Variants in SHROOM4 observed in about 807,000 individuals in gnomAD.
The protein encoded by SHROOM4 is protein Shroom4.
SHROOM4 carries 17 observed loss-of-function variants against 80.3 expected under a neutral mutation model. The ratio of observed to expected loss-of-function variants is 0.21; its 90% CI spans 0.14 to 0.32. The LOEUF is 0.32. Ranked by LOEUF, SHROOM4 falls within the 10% of genes least tolerant of loss-of-function variation. The pLI is 1.00. For missense variants in SHROOM4, 993 were observed against 1,140.3 expected, an observed-to-expected ratio of 0.87 and a Z score of 1.86; for synonymous variants, 400 against 437.5, an observed-to-expected ratio of 0.91 and a Z score of 1.07.
At position 50,590,522 on chromosome X, in the gene SHROOM4, T is replaced by G. The variant is rs1004874753; in HGVS notation, c.*6173A>C. On this transcript the variant is annotated 3_prime_UTR_variant, in exon 9 of 9. Transcript: ENST00000376020. ...GCCACGGCCTCCCAAAGTGCTGGGA[T>G]TACAGGCGTGAGCCACCGCGCCTGG... is the stretch of plus-strand genomic sequence containing the variant. Among the ~76,000 whole-genome samples the G allele has an allele frequency of 3.6e-5, 4 of 111,229 alleles. No individual in the cohort carries two copies. The highest frequency in any genetic ancestry group is 9.5e-5 in the Admixed American group (1 of 10,516).
At chrX:50,723,707 C>T (rs781963179) in intron 1 of SHROOM4, among the ~76,000 whole-genome samples, 6 of 110,405 alleles carry the variant, frequency 5.4e-5, no homozygotes, top group Non-Finnish European at 7.6e-5. Flanking sequence ...AGGGTAAGTC[C>T]GTCCCCTTCT....
chrX:50,615,252 A>G (rs782797469), intron 5 of SHROOM4, among the ~76,000 whole-genome samples: 2 of 111,133 alleles, frequency 1.8e-5, no homozygotes, highest in Non-Finnish European at 3.8e-5. Flanking sequence ...TAAAATACAG[A>G]CCCTTACTAG....
At position 50,633,743 on chromosome X, in the gene SHROOM4, A is replaced by G. The variant is rs1187589059; in HGVS notation, c.2330T>C (p.Phe777Ser). 2 of 1,210,642 alleles carry G rather than the reference A, an allele frequency of 1.7e-6. No homozygotes were observed. The highest frequency in any genetic ancestry group is 2.2e-6 in the Non-Finnish European group (2 of 895,395). Residue 777 changes from phenylalanine (F) to serine (S), a missense_variant, in exon 4 of 9, where the codon TTT becomes TCT. Transcript: ENST00000376020. The stretch of plus-strand genomic sequence containing the variant: ...AGATAAGGATTTGCTACTCTCTTCA[A>G]AGAACTTTCTTCTGTCTGCAAAAGG... ...LLPFADRRKF[F>S]EESSKSLSTS...
chrX:50,597,302 C>T (rs1301043645), intron 8 of SHROOM4, among the ~76,000 whole-genome samples: 1 of 112,188 alleles, frequency 8.9e-6, no homozygotes, highest in Non-Finnish European at 1.9e-5. Context: ...TGGTGAACAA[C>T]TGTCACTGTG....
At chrX:50,685,112 C>G (rs1933039288) in intron 2 of SHROOM4, among the ~76,000 whole-genome samples, 1 of 111,628 alleles carries the variant, frequency 9.0e-6, no homozygotes, top group Admixed American at 9.5e-5. Flanking sequence ...GGTTGGAGGG[C>G]ATCCAGACAA....
intron 5 of SHROOM4, among the ~76,000 whole-genome samples, chrX:50,624,282 T>C (rs1334967011): frequency 8.9e-6 from 1 of 111,841 alleles, no homozygotes; most frequent in Non-Finnish European, 1.9e-5. Flanking sequence ...TGAATTTGCT[T>C]TCTTGAAGGT....
chrX:50,716,089 A>G (rs1769042861), intron 1 of SHROOM4, among the ~76,000 whole-genome samples: 1 of 108,968 alleles, frequency 9.2e-6, no homozygotes, highest in Admixed American at 1.0e-4. Context: ...ACGTTAGGTG[A>G]AATAAGCCAG....
At chrX:50,765,742 A>G (rs997279695) in intron 1 of SHROOM4, among the ~76,000 whole-genome samples, 1 of 112,110 alleles carries the variant, frequency 8.9e-6, no homozygotes, top group Non-Finnish European at 1.9e-5. Context: ...CAGATAAACA[A>G]CAGCCTTCCA....
In SHROOM4 at chrX:50,596,012, C is replaced by T. The variant is rs782429484; in HGVS notation, c.*683G>A. ...AAACAAGAGGTGGTAGGACCAAAGT[C>T]TTAGGACAGGAAGAGGGTCACACTA... On this transcript the variant is annotated 3_prime_UTR_variant, in exon 9 of 9. Coordinates refer to ENST00000376020, the MANE Select transcript of SHROOM4 (RefSeq NM_020717.5). 7.1e-4 allele frequency: 232 copies of T among 327,762 alleles called. 1 individual carries two copies. The highest frequency in any genetic ancestry group is 1.3e-3 in the Non-Finnish European group (217 of 169,746). 27.0% of individuals were successfully genotyped at this position (327,762 alleles called of 1,213,427 possible).
intron 3 of SHROOM4, among the ~76,000 whole-genome samples, chrX:50,637,828 G>T (rs1387396309): frequency 1.8e-5 from 2 of 112,178 alleles, no homozygotes; most frequent in Non-Finnish European, 3.8e-5. Flanking sequence ...CCAGAACTGA[G>T]CCCTGGGGTC....
chrX:50,709,264 A>G (rs782265680), intron 1 of SHROOM4, among the ~76,000 whole-genome samples: 2 of 112,142 alleles, frequency 1.8e-5, no homozygotes, highest in Non-Finnish European at 3.8e-5. Flanking sequence ...CCTGGCCCCC[A>G]CAATCCCAAG....
At position 50,602,673 on chromosome X, in the gene SHROOM4, A is replaced by C. The variant is rs1225050646; in HGVS notation, c.3902T>G (p.Leu1301Arg). The change falls in exon 7 of 9, where the codon CTA becomes CGA. Residue 1301 changes from leucine to arginine, a missense_variant. Leu to Arg is a moderately radical substitution (Grantham distance 102). Transcript: ENST00000376020. ...TTCATGGTCAACTTCCTCCTCTCCT[A>C]GGCCAATCTCTGCCATCTCAGGTTG... is the stretch of plus-strand genomic sequence containing the variant. ...KDQPEMAEIG[L>R]GEEEVDHELA... The C allele has an allele frequency of 8.3e-7, 1 of 1,211,671 alleles. No individual in the cohort carries two copies. Among genetic ancestry groups the C allele is most frequent in the Non-Finnish European group, 1.1e-6 (1 of 895,550 alleles).
In SHROOM4 at chrX:50,711,671, A is replaced by G. The variant is rs782480895; in HGVS notation, c.118-15734T>C. ...ATTGATGAGTGAATAGAGAAAATCAATACATGAATAGATATGAAACAAGTA... is the reference window on the plus strand; with the variant it reads ...ATTGATGAGTGAATAGAGAAAATCAGTACATGAATAGATATGAAACAAGTA... On this transcript the variant is annotated intron_variant, in intron 1 of 8. Transcript: ENST00000376020. Among the ~76,000 whole-genome samples the G allele has an allele frequency of 1.1e-4, 12 of 112,425 alleles. No individual in the cohort carries two copies. In the East Asian group the frequency reaches 3.3e-3, roughly 31 times the overall value.
chrX:50,586,485 C>T (rs1928762117), downstream of SHROOM4, among the ~76,000 whole-genome samples: 1 of 100,067 alleles, frequency 1.0e-5, no homozygotes, highest in Admixed American at 1.1e-4. Flanking sequence ...TGGCAGTAAG[C>T]AACTCCAGAA....
intron 1 of SHROOM4, among the ~76,000 whole-genome samples, chrX:50,796,052 C>T (rs1237900515): frequency 9.0e-6 from 1 of 111,612 alleles, no homozygotes; most frequent in Admixed American, 9.6e-5. Flanking sequence ...GGGGTTTGAA[C>T]TTAAATCAAG....
rs1931272607 is a variant in SHROOM4, at chrX:50,634,970, C to T, written c.1103G>A (p.Gly368Glu). The change falls in exon 4 of 9, where the codon GGA (glycine) becomes GAA (glutamate). Residue 368 changes from glycine to glutamate, a missense_variant. By Grantham distance (98) the Gly-to-Glu change is moderately conservative. Transcript: ENST00000376020. ...LLMQASTKAV[G>E]SPKACDRASS... is the part of the protein sequence containing the mutation. ...AGCTCTGTCACAGGCTTTTGGGGATCCAACAGCTTTGGTTGAGGCCTGCAT... is the reference window on the plus strand; with the variant it reads ...AGCTCTGTCACAGGCTTTTGGGGATTCAACAGCTTTGGTTGAGGCCTGCAT... 1.7e-6 allele frequency: 2 copies of T among 1,211,955 alleles called. No individual in the cohort carries two copies. Among genetic ancestry groups the T allele is most frequent in the Non-Finnish European group, 2.2e-6 (2 of 895,555 alleles).
At chrX:50,672,354 A>T (rs1932806851) in intron 2 of SHROOM4, among the ~76,000 whole-genome samples, 1 of 112,231 alleles carries the variant, frequency 8.9e-6, no homozygotes, top group Non-Finnish European at 1.9e-5. Context: ...AATTTGTAAA[A>T]ACCATAATTA....
intron 1 of SHROOM4, among the ~76,000 whole-genome samples, chrX:50,795,114 G>GATATAT (rs1181053336): frequency 2.0e-5 from 1 of 50,484 alleles, no homozygotes; most frequent in African/African-American, 1.6e-4. Context: ...ATATATATAT[G>GATATAT]ATATATATAT....
intron 2 of SHROOM4, among the ~76,000 whole-genome samples, chrX:50,641,048 C>G (rs1327313955): frequency 2.7e-5 from 3 of 112,545 alleles, no homozygotes; most frequent in African/African-American, 9.7e-5. Context: ...GTTCCCTCTG[C>G]CTGGAATGCC....
Sources: gnomAD v4.1 joint callset for allele counts (sites outside exome capture counted in the v4.1 genomes callset) on GRCh38, gnomAD v4.1.1 for gene constraint, MANE v1.5 for transcripts, NCBI Gene and HGNC (gene_info 2026-07-23, HGNC 2026-07-21) for gene names.